The following CSMD1 variants were observed in gnomAD, a reference collection of about 807,000 sequenced individuals.
The protein encoded by CSMD1 is CUB and sushi domain-containing protein 1.
In CSMD1, 213 loss-of-function variants were observed where a neutral mutation model predicts 417.5. The ratio of observed to expected loss-of-function variants is 0.51; its 90% CI spans 0.46 to 0.57. The LOEUF (loss-of-function observed/expected upper bound fraction) is 0.57. Ranked by LOEUF, CSMD1 falls within the 20% of genes least tolerant of loss-of-function variation. The pLI, the probability that CSMD1 is intolerant of heterozygous loss-of-function variation, is 0.00. For synonymous variants in CSMD1, 2,862 were observed against 1,736.8 expected (o/e 1.65, Z -16.11); for missense variants, 6,923 against 4,529.7 (o/e 1.53, Z -15.17).
intron 26 of CSMD1, chr8:3,279,262 A>G (rs1227612578): frequency 2.0e-5 from 3 of 152,208 alleles, no homozygotes; most frequent in Non-Finnish European, 2.9e-5. Flanking sequence ...GAGAGGCAGG[A>G]CCATGTCCCT....
At chr8:3,516,173 C>T (rs2117424980) in intron 10 of CSMD1, among the ~76,000 whole-genome samples, 1 of 152,276 alleles carries the variant, frequency 6.6e-6, no homozygotes, top group South Asian at 2.1e-4. Context: ...ATATCCTTAT[C>T]CACTAATATT....
chr8:4,445,902 C>T (rs945445478), intron 2 of CSMD1, among the ~76,000 whole-genome samples: 3 of 152,152 alleles, frequency 2.0e-5, no homozygotes, highest in Non-Finnish European at 4.4e-5. Context: ...AGCACGGATG[C>T]AGGGACGTGA....
chr8:3,572,176 C>A (rs1370362658), intron 10 of CSMD1, among the ~76,000 whole-genome samples: 2 of 152,304 alleles, frequency 1.3e-5, no homozygotes, highest in South Asian at 4.1e-4. Flanking sequence ...CGCATTCGAG[C>A]ACTCCTTCTC....
chr8:3,614,190 C>T (rs1356597787), intron 8 of CSMD1, among the ~76,000 whole-genome samples: 2 of 151,896 alleles, frequency 1.3e-5, no homozygotes, highest in African/African-American at 2.4e-5. Flanking sequence ...ATTTCTATTG[C>T]TACAAACATA....
At chr8:3,782,572 C>T (rs970340841) in intron 5 of CSMD1, among the ~76,000 whole-genome samples, 1 of 152,128 alleles carries the variant, frequency 6.6e-6, no homozygotes, top group Non-Finnish European at 1.5e-5. Context: ...GCGCAGCAAA[C>T]CAACATGGCA....
chr8:4,961,632 G>C (rs1809492085), intron 1 of CSMD1, among the ~76,000 whole-genome samples: 1 of 152,020 alleles, frequency 6.6e-6, no homozygotes, highest in Admixed American at 6.6e-5. Flanking sequence ...ACTTTTGTAT[G>C]AGCTCTATTT....
intron 2 of CSMD1, among the ~76,000 whole-genome samples, chr8:4,614,340 C>G (rs987852827): frequency 1.3e-5 from 2 of 152,110 alleles, no homozygotes; most frequent in African/African-American, 4.8e-5. Context: ...AGGTAGCACT[C>G]CCACCATTAC....
chr8:3,428,200 G>A (rs935459916), intron 12 of CSMD1, among the ~76,000 whole-genome samples: 13 of 152,120 alleles, frequency 8.5e-5, no homozygotes, highest in Non-Finnish European at 1.5e-4. Context: ...TGATATGTGA[G>A]CTACGTAGAA....
intron 3 of CSMD1, among the ~76,000 whole-genome samples, chr8:4,308,841 C>A (rs1008975740): frequency 1.3e-5 from 2 of 152,196 alleles, no homozygotes; most frequent in Non-Finnish European, 2.9e-5. Context: ...AGCAATGACA[C>A]CCCATATCAA....
intron 2 of CSMD1, among the ~76,000 whole-genome samples, chr8:4,438,257 T>C (rs912399758): frequency 6.6e-6 from 1 of 152,158 alleles, no homozygotes. Flanking sequence ...TAGAGTGCAG[T>C]TCTTTAAGGT....
chr8:4,120,649 A>G (rs749304533), intron 3 of CSMD1, among the ~76,000 whole-genome samples: 9 of 152,240 alleles, frequency 5.9e-5, no homozygotes, highest in Non-Finnish European at 1.2e-4. Flanking sequence ...TTCTCTAGTC[A>G]GTAACTTCAT....
chr8:4,029,260 A>G (rs1297459191), intron 4 of CSMD1, among the ~76,000 whole-genome samples: 1 of 152,210 alleles, frequency 6.6e-6, no homozygotes, highest in African/African-American at 2.4e-5. Context: ...ACAATTTTGG[A>G]TATTTGGGGG....
At chr8:4,533,087 T>G (rs149401568) in intron 2 of CSMD1, among the ~76,000 whole-genome samples, 136 of 152,330 alleles carry the variant, frequency 8.9e-4, no homozygotes, top group African/African-American at 3.0e-3. Flanking sequence ...GATTTTTTGG[T>G]TCTAGATACA....
At chr8:4,055,522 A>C (rs541026109) in intron 3 of CSMD1, among the ~76,000 whole-genome samples, 5 of 140,984 alleles carry the variant, frequency 3.5e-5, no homozygotes, top group African/African-American at 1.6e-4. Context: ...AATCAGCTCA[A>C]ATTTAATAAT....
intron 10 of CSMD1, among the ~76,000 whole-genome samples, chr8:3,510,509 G>GA (rs1797019863): frequency 6.6e-6 from 1 of 151,802 alleles, no homozygotes; most frequent in African/African-American, 2.4e-5. Context: ...TCTTAGGAAA[G>GA]AAAATCTTAG....
chr8:3,645,938 T>C (rs1797550063), intron 7 of CSMD1, among the ~76,000 whole-genome samples: 1 of 152,154 alleles, frequency 6.6e-6, no homozygotes, highest in African/African-American at 2.4e-5. Flanking sequence ...AATATTCTAT[T>C]ATCAACAGTA....
chr8:4,522,476 T>C (rs1391543799), intron 2 of CSMD1, among the ~76,000 whole-genome samples: 1 of 152,170 alleles, frequency 6.6e-6, no homozygotes, highest in Non-Finnish European at 1.5e-5. Context: ...CAGAACAAAA[T>C]GGCAAGACAC....
At chr8:3,250,016 C>T (rs1464869673) in intron 26 of CSMD1, among the ~76,000 whole-genome samples, 1 of 152,178 alleles carries the variant, frequency 6.6e-6, no homozygotes, top group Non-Finnish European at 1.5e-5. Context: ...TAAAAGGTAG[C>T]ATGGTATAAA....
chr8:4,636,304 G>A, intron 2 of CSMD1, among the ~76,000 whole-genome samples: 1 of 152,088 alleles, frequency 6.6e-6, no homozygotes, highest in Middle Eastern at 3.4e-3. Context: ...TTTTCTTGTT[G>A]ACAATTGAAA....
Sources: gnomAD v4.1 joint callset for allele counts (sites outside exome capture counted in the v4.1 genomes callset) on GRCh38, gnomAD v4.1.1 for gene constraint, MANE v1.5 for transcripts, NCBI Gene and HGNC (gene_info 2026-07-23, HGNC 2026-07-21) for gene names.